The following H2AC11 variants were observed in gnomAD, a reference collection of about 807,000 sequenced individuals.
H2AC11 encodes histone H2A type 1.
A neutral mutation model predicts 5.9 loss-of-function variants in H2AC11; 8 were observed. The observed-to-expected ratio is 1.35, with a 90% CI of 0.79 to 2.44. The LOEUF (loss-of-function observed/expected upper bound fraction) is 2.44, where lower values mean the gene tolerates loss of function less well. H2AC11 is among the 30% of genes most tolerant of loss of function. The probability of loss-of-function intolerance (pLI) is 0.00; values close to 1 mark genes in which losing one functional copy is unlikely to be tolerated. For missense variants in H2AC11, 189 were observed against 178.6 expected (o/e 1.06, Z -0.33); for synonymous variants, 161 against 81.9 (o/e 1.96, Z -5.21).
In H2AC11 at chr6:27,133,497, A is replaced by T. The variant is rs759301772; in HGVS notation, c.*33A>T. 1.3e-6 allele frequency: 2 copies of T among 1,596,352 alleles called. No homozygotes were observed. Among genetic ancestry groups the T allele is most frequent in the South Asian group, 1.1e-5 (1 of 89,656 alleles). ...TACTAGTTTGTGGCAGCTCAAGTAAAATCGAGTCCAAACCAACGGCTCTTT... is the reference window on the plus strand; with the variant it reads ...TACTAGTTTGTGGCAGCTCAAGTAATATCGAGTCCAAACCAACGGCTCTTT... On this transcript the variant is annotated 3_prime_UTR_variant, in exon 1 of 1. Coordinates refer to ENST00000359193, the MANE Select transcript of H2AC11 (RefSeq NM_021064.5).
In H2AC11 at chr6:27,133,500, C is replaced by T. The variant is rs986950349; in HGVS notation, c.*36C>T. The T allele has an allele frequency of 1.3e-6, 2 of 1,594,482 alleles. No individual in the cohort carries two copies. The highest frequency in any genetic ancestry group is 1.7e-6 in the Non-Finnish European group (2 of 1,167,514). On this transcript the variant is annotated 3_prime_UTR_variant, in exon 1 of 1. Coordinates refer to ENST00000359193, the MANE Select transcript of H2AC11 (RefSeq NM_021064.5). ...TAGTTTGTGGCAGCTCAAGTAAAAT[C>T]GAGTCCAAACCAACGGCTCTTTTCA...
rs769871479 is a variant in H2AC11, at chr6:27,133,230, A to G, written c.159A>G (p.Ala53=). The G allele has an allele frequency of 3.1e-6, 5 of 1,614,148 alleles. No homozygotes were observed. Among genetic ancestry groups the G allele is most frequent in the Admixed American group, 1.7e-5 (1 of 60,020 alleles). The change falls in exon 1 of 1, where the codon GCA becomes GCG. Residue 53 remains alanine (A), a synonymous_variant. Transcript: ENST00000359193. ...GGGCCGGCGCGCCGGTGTATCTGGC[A>G]GCGGTGCTGGAGTACCTGACCGCCG... ...RVGAGAPVYL[A]AVLEYLTAEI...
In H2AC11 at chr6:27,133,251, C is replaced by A; in HGVS notation, c.180C>A (p.Thr60=). The change falls in exon 1 of 1, where the codon ACC becomes ACA. Residue 60 remains threonine, a synonymous_variant. Coordinates refer to ENST00000359193, the MANE Select transcript of H2AC11 (RefSeq NM_021064.5). ...TGGCAGCGGTGCTGGAGTACCTGAC[C>A]GCCGAGATCCTGGAACTGGCGGGCA... is the stretch of plus-strand genomic sequence containing the variant. ...VYLAAVLEYL[T]AEILELAGNA... is the part of the protein sequence containing the mutation. 6.2e-7 allele frequency: 1 copy of A among 1,614,178 alleles called. No homozygotes were observed. The highest frequency in any genetic ancestry group is 1.7e-5 in the Admixed American group (1 of 60,026).
rs1183697807 is a variant in H2AC11, at chr6:27,133,080, A to G, written c.9A>G (p.Gly3=). MS[G]RGKQGGKARA... ...AGTGAGTTGCGCTCGCTATGTCTGGACGTGGCAAGCAGGGAGGCAAAGCCC... is the reference window on the plus strand; with the variant it reads ...AGTGAGTTGCGCTCGCTATGTCTGGGCGTGGCAAGCAGGGAGGCAAAGCCC... Residue 3 remains glycine (G), a synonymous_variant, in exon 1 of 1, where the codon GGA becomes GGG. Transcript: ENST00000359193. The G allele has an allele frequency of 3.1e-6, 5 of 1,611,318 alleles. No individual in the cohort carries two copies. Among genetic ancestry groups the G allele is most frequent in the Non-Finnish European group, 4.2e-6 (5 of 1,178,270 alleles).
In H2AC11 at chr6:27,133,151, C is replaced by G. The variant is rs1259091603; in HGVS notation, c.80C>G (p.Pro27Arg). 6.2e-7 allele frequency: 1 copy of G among 1,614,080 alleles called. No homozygotes were observed. Among genetic ancestry groups the G allele is most frequent in the Non-Finnish European group, 8.5e-7 (1 of 1,179,996 alleles). The change falls in exon 1 of 1, where the codon CCC (proline) becomes CGC (arginine). Residue 27 changes from proline (P) to arginine (R), a missense_variant. By Grantham distance (103) the Pro-to-Arg change is moderately radical. Coordinates refer to ENST00000359193, the MANE Select transcript of H2AC11 (RefSeq NM_021064.5). ...TRSSRAGLQF[P>R]VGRVHRLLRK... ...TCTTCTAGGGCCGGTCTCCAGTTCCCCGTGGGCCGAGTGCACCGCCTGCTC... is the reference window on the plus strand; with the variant it reads ...TCTTCTAGGGCCGGTCTCCAGTTCCGCGTGGGCCGAGTGCACCGCCTGCTC...
rs778256638 is a variant in H2AC11 at position 27,133,408 on chromosome 6, C to G, written c.337C>G (p.Gln113Glu). ...ACAGGGCGGTGTCCTGCCCAACATTCAGGCCGTGCTACTGCCCAAAAAGAC... is the reference window on the plus strand; with the variant it reads ...ACAGGGCGGTGTCCTGCCCAACATTGAGGCCGTGCTACTGCCCAAAAAGAC... ...IAQGGVLPNI[Q>E]AVLLPKKTES... Residue 113 changes from glutamine (Q) to glutamate (E), a missense_variant, in exon 1 of 1, where the codon CAG (glutamine) becomes GAG (glutamate). Physicochemically the swap from Gln to Glu is conservative, Grantham distance 29 (BLOSUM62 2). Coordinates refer to ENST00000359193, the MANE Select transcript of H2AC11 (RefSeq NM_021064.5). 1.2e-6 allele frequency: 2 copies of G among 1,614,244 alleles called. No individual in the cohort carries two copies. Among genetic ancestry groups the G allele is most frequent in the Non-Finnish European group, 1.7e-6 (2 of 1,180,042 alleles).
At position 27,133,519 on chromosome 6, in the gene H2AC11, CT is replaced by C. The variant is rs1398534582; in HGVS notation, c.*59del. 1.9e-6 allele frequency: 3 copies of C among 1,571,456 alleles called. No individual in the cohort carries two copies. The highest frequency in any genetic ancestry group is 2.6e-6 in the Non-Finnish European group (3 of 1,155,612). On this transcript the variant is annotated 3_prime_UTR_variant, in exon 1 of 1. Coordinates refer to ENST00000359193, the MANE Select transcript of H2AC11 (RefSeq NM_021064.5). ...TAAAATCGAGTCCAAACCAACGGCT[CT>C]TTTCAGGGCCACCCACGTCTTCTCT...
rs139431925 is a variant in H2AC11 at position 27,133,152 on chromosome 6, C to G, written c.81C>G (p.Pro27=). Residue 27 remains proline, a synonymous_variant, in exon 1 of 1, where the codon CCC becomes CCG. Coordinates refer to ENST00000359193, the MANE Select transcript of H2AC11 (RefSeq NM_021064.5). The stretch of plus-strand genomic sequence containing the variant: ...CTTCTAGGGCCGGTCTCCAGTTCCC[C>G]GTGGGCCGAGTGCACCGCCTGCTCC... The part of the protein sequence containing the change: ...TRSSRAGLQF[P]VGRVHRLLRK... 3 of 1,614,072 alleles carry G rather than the reference C, an allele frequency of 1.9e-6. No individual in the cohort carries two copies. Among genetic ancestry groups the G allele is most frequent in the Non-Finnish European group, 2.5e-6 (3 of 1,179,994 alleles).
Position 27,133,507 on chromosome 6 carries a change from A to G in H2AC11, c.*43A>G, listed in dbSNP as rs757860002. On this transcript the variant is annotated 3_prime_UTR_variant, in exon 1 of 1. Transcript: ENST00000359193. ...TGGCAGCTCAAGTAAAATCGAGTCC[A>G]AACCAACGGCTCTTTTCAGGGCCAC... 1.3e-6 allele frequency: 2 copies of G among 1,590,174 alleles called. No individual in the cohort carries two copies. Among genetic ancestry groups the G allele is most frequent in the East Asian group, 2.2e-5 (1 of 44,534 alleles).
In H2AC11 at chr6:27,133,481, G is replaced by A. The variant is rs1759888164; in HGVS notation, c.*17G>A. On this transcript the variant is annotated 3_prime_UTR_variant, in exon 1 of 1. Coordinates refer to ENST00000359193, the MANE Select transcript of H2AC11 (RefSeq NM_021064.5). ...GGCAAGTAACTATCTGTACTAGTTT[G>A]TGGCAGCTCAAGTAAAATCGAGTCC... 6.2e-7 allele frequency: 1 copy of A among 1,603,434 alleles called. No homozygotes were observed. Among genetic ancestry groups the A allele is most frequent in the Non-Finnish European group, 8.5e-7 (1 of 1,172,420 alleles).
Position 27,133,498 on chromosome 6 carries a change from A to T in H2AC11, c.*34A>T, listed in dbSNP as rs764736855. The T allele has an allele frequency of 6.3e-7, 1 of 1,596,108 alleles. No individual in the cohort carries two copies. The highest frequency in any genetic ancestry group is 2.2e-5 in the East Asian group (1 of 44,572). ...ACTAGTTTGTGGCAGCTCAAGTAAA[A>T]TCGAGTCCAAACCAACGGCTCTTTT... On this transcript the variant is annotated 3_prime_UTR_variant, in exon 1 of 1. Coordinates refer to ENST00000359193, the MANE Select transcript of H2AC11 (RefSeq NM_021064.5).
chr6:27,133,254 C>T lies in H2AC11; in HGVS notation c.183C>T (p.Ala61=), dbSNP rs779211450. The change falls in exon 1 of 1, where the codon GCC becomes GCT. Residue 61 remains alanine (A), a synonymous_variant. Coordinates refer to ENST00000359193, the MANE Select transcript of H2AC11 (RefSeq NM_021064.5). ...CAGCGGTGCTGGAGTACCTGACCGC[C>T]GAGATCCTGGAACTGGCGGGCAACG... ...YLAAVLEYLT[A]EILELAGNAA... is the part of the protein sequence containing the mutation. The T allele has an allele frequency of 9.9e-6, 16 of 1,614,182 alleles. No homozygotes were observed. The highest frequency in any genetic ancestry group is 1.3e-5 in the Non-Finnish European group (15 of 1,180,040).
Position 27,133,149 on chromosome 6 carries a change from C to G in H2AC11, c.78C>G (p.Phe26Leu). 1 of 1,614,060 alleles carries G rather than the reference C, an allele frequency of 6.2e-7. No individual in the cohort carries two copies. The highest frequency in any genetic ancestry group is 8.5e-7 in the Non-Finnish European group (1 of 1,179,990). ...KTRSSRAGLQ[F>L]PVGRVHRLLR... ...GCTCTTCTAGGGCCGGTCTCCAGTTCCCCGTGGGCCGAGTGCACCGCCTGC... is the reference window on the plus strand; with the variant it reads ...GCTCTTCTAGGGCCGGTCTCCAGTTGCCCGTGGGCCGAGTGCACCGCCTGC... The change falls in exon 1 of 1, where the codon TTC becomes TTG. Residue 26 changes from phenylalanine to leucine, a missense_variant. Transcript: ENST00000359193.
chr6:27,133,045 G>T lies in H2AC11; in HGVS notation c.-27G>T. The T allele has an allele frequency of 6.3e-7, 1 of 1,583,648 alleles. No individual in the cohort carries two copies. Among genetic ancestry groups the T allele is most frequent in the Non-Finnish European group, 8.6e-7 (1 of 1,165,276 alleles). ...GCGCCGCCTTTCCCGTTCACTTTGT[G>T]GTTGCTCGTAGTGAGTTGCGCTCGC... On this transcript the variant is annotated 5_prime_UTR_variant, in exon 1 of 1. Coordinates refer to ENST00000359193, the MANE Select transcript of H2AC11 (RefSeq NM_021064.5).
rs776189780 is a variant in H2AC11, at chr6:27,133,183, G to T, written c.112G>T (p.Gly38Cys). 2.5e-6 allele frequency: 4 copies of T among 1,614,024 alleles called. No homozygotes were observed. The highest frequency in any genetic ancestry group is 1.3e-5 in the African/African-American group (1 of 74,944). The change falls in exon 1 of 1, where the codon GGC becomes TGC. Residue 38 changes from glycine to cysteine, a missense_variant. By Grantham distance (159) the Gly-to-Cys change is radical (BLOSUM62 -3). Transcript: ENST00000359193. ...CCGAGTGCACCGCCTGCTCCGCAAA[G>T]GCAACTATGCCGAGCGGGTCGGGGC... is the stretch of plus-strand genomic sequence containing the variant. ...VGRVHRLLRK[G>C]NYAERVGAGA...
Position 27,133,321 on chromosome 6 carries a change from C to G in H2AC11, c.250C>G (p.Leu84Val), listed in dbSNP as rs748768937. Reference protein sequence around the residue: ...NKKTRIIPRHLQLAIRNDEEL... With the variant: ...NKKTRIIPRHVQLAIRNDEEL... ...GAAGACCCGCATCATCCCGCGTCAT[C>G]TCCAACTGGCCATCCGCAACGACGA... The change falls in exon 1 of 1, where the codon CTC (leucine) becomes GTC (valine). Residue 84 changes from leucine to valine, a missense_variant. Transcript: ENST00000359193. The G allele has an allele frequency of 4.3e-6, 7 of 1,614,212 alleles. No individual in the cohort carries two copies. The highest frequency in any genetic ancestry group is 5.1e-6 in the Non-Finnish European group (6 of 1,180,046).
rs966370913 is a variant in H2AC11 at position 27,133,208 on chromosome 6, C to CCGGCG, written c.140_144dup (p.Pro49AlafsTer13). On this transcript the variant is annotated frameshift_variant, in exon 1 of 1. Coordinates refer to ENST00000359193, the MANE Select transcript of H2AC11 (RefSeq NM_021064.5). LOFTEE classifies it high-confidence loss of function. ...GGCAACTATGCCGAGCGGGTCGGGG[C>CCGGCG]CGGCGCGCCGGTGTATCTGGCAGCG... The CCGGCG allele has an allele frequency of 6.2e-7, 1 of 1,613,942 alleles. No homozygotes were observed. The highest frequency in any genetic ancestry group is 1.3e-5 in the African/African-American group (1 of 74,932).
chr6:27,133,108 G>C lies in H2AC11; in HGVS notation c.37G>C (p.Ala13Pro). The part of the protein sequence containing the change: ...GRGKQGGKAR[A>P]KAKTRSSRAG... The stretch of plus-strand genomic sequence containing the variant: ...TGGCAAGCAGGGAGGCAAAGCCCGC[G>C]CTAAGGCCAAGACTCGCTCTTCTAG... The change falls in exon 1 of 1, where the codon GCT becomes CCT. Residue 13 changes from alanine (A) to proline (P), a missense_variant. Physicochemically the swap from Ala to Pro is conservative, Grantham distance 27. Transcript: ENST00000359193. 1 of 1,613,628 alleles carries C rather than the reference G, an allele frequency of 6.2e-7. No homozygotes were observed. Among genetic ancestry groups the C allele is most frequent in the South Asian group, 1.1e-5 (1 of 91,038 alleles).
rs1391851062 is a variant in H2AC11, at chr6:27,133,314, G to A, written c.243G>A (p.Pro81=). 2 of 1,613,980 alleles carry A rather than the reference G, an allele frequency of 1.2e-6. No homozygotes were observed. The highest frequency in any genetic ancestry group is 1.7e-6 in the Non-Finnish European group (2 of 1,180,044). The part of the protein sequence containing the change: ...ARDNKKTRII[P]RHLQLAIRND... ...ACAACAAGAAGACCCGCATCATCCC[G>A]CGTCATCTCCAACTGGCCATCCGCA... is the stretch of plus-strand genomic sequence containing the variant. The change falls in exon 1 of 1, where the codon CCG becomes CCA. Residue 81 remains proline (P), a synonymous_variant. Coordinates refer to ENST00000359193, the MANE Select transcript of H2AC11 (RefSeq NM_021064.5).
Sources: allele counts gnomAD v4.1 joint callset, GRCh38; gene constraint gnomAD v4.1.1; transcripts MANE v1.5; gene names NCBI Gene and HGNC (gene_info 2026-07-23, HGNC 2026-07-21).